TMC5: variants seen among roughly 807,000 people sequenced by gnomAD.
TMC5 encodes transmembrane channel-like protein 5.
In TMC5, 86 loss-of-function variants were observed where a neutral mutation model predicts 110.5. That is an observed-to-expected ratio of 0.78 (90% CI 0.65 to 0.93). The LOEUF is 0.93. TMC5 is among the 40% of genes least tolerant of loss of function. The probability of loss-of-function intolerance (pLI) is 0.00; values close to 1 mark genes in which losing one functional copy is unlikely to be tolerated. For synonymous variants in TMC5, 455 were observed against 439.5 expected (o/e 1.04, Z -0.44); for missense variants, 1,144 against 1,222.8 (o/e 0.94, Z 0.96).
At chr16:19,468,490 A>G (rs1257982367) in intron 9 of TMC5, among the ~76,000 whole-genome samples, 1 of 152,146 alleles carries the variant, frequency 6.6e-6, no homozygotes, top group African/African-American at 2.4e-5. Context: ...CCCCCAGAGA[A>G]GTCTACATCC....
chr16:19,462,595 G>A (rs576970196), intron 6 of TMC5: 12 of 696,098 alleles, frequency 1.7e-5, no homozygotes, highest in African/African-American at 1.6e-4. Flanking sequence ...CAGGGGAACT[G>A]CCCTTTATAA....
At chr16:19,480,625 T>C (rs928443646) in intron 14 of TMC5, among the ~76,000 whole-genome samples, 4 of 152,024 alleles carry the variant, frequency 2.6e-5, no homozygotes, top group African/African-American at 9.7e-5. Flanking sequence ...GCCAACGTGG[T>C]GAAACCCTGT....
chr16:19,459,173 C>T (rs958410457), intron 5 of TMC5, among the ~76,000 whole-genome samples: 15 of 152,102 alleles, frequency 9.9e-5, no homozygotes, highest in African/African-American at 2.9e-4. Context: ...GGGACAGGAC[C>T]GTGAGGATTG....
In TMC5 at chr16:19,463,823, C is replaced by G. The variant is rs1188338803; in HGVS notation, c.1284C>G (p.Ile428Met). 6.2e-7 allele frequency: 1 copy of G among 1,614,198 alleles called. No individual in the cohort carries two copies. The highest frequency in any genetic ancestry group is 8.5e-7 in the Non-Finnish European group (1 of 1,180,020). The change falls in exon 8 of 22, where the codon ATC (isoleucine) becomes ATG (methionine). Residue 428 changes from isoleucine to methionine, a missense_variant. Physicochemically the swap from Ile to Met is conservative, Grantham distance 10. Transcript: ENST00000542583. ...KNSLSEILNS[I>M]SLWQKTLKII... is the part of the protein sequence containing the mutation. ...GCCTGTCGGAAATTCTGAATTCCAT[C>G]AGCCTGTGGCAGAAGACGCTGAAGA...
intron 8 of TMC5, among the ~76,000 whole-genome samples, chr16:19,464,866 G>A (rs1379676665): frequency 6.7e-6 from 1 of 149,150 alleles, no homozygotes; most frequent in Non-Finnish European, 1.5e-5. Flanking sequence ...CTGTACAAAC[G>A]TTGATAGATA....
chr16:19,490,329 C>G (rs142253414), intron 17 of TMC5, 66 bp from the exon 18 acceptor site: 1 of 1,533,926 alleles, frequency 6.5e-7, no homozygotes. Flanking sequence ...GAAGGGACAC[C>G]CTGATTCTAG....
rs756744992 is a variant in TMC5, at chr16:19,460,193, T to C, written c.1049-42T>C. ...ACCACATTTCAGTGTTACGATTCTG[T>C]TAAAGAAAAAAGAAATTAAATTCCA... is the stretch of plus-strand genomic sequence containing the variant. On this transcript the variant is annotated intron_variant, in intron 5 of 21. Coordinates refer to ENST00000542583, the MANE Select transcript of TMC5 (RefSeq NM_001261841.2). 13 of 1,506,780 alleles carry C rather than the reference T, an allele frequency of 8.6e-6. No individual in the cohort carries two copies. In the East Asian group the frequency reaches 2.7e-4, roughly 32 times the overall value. 93.3% of individuals were successfully genotyped at this position (1,506,780 alleles called of 1,614,324 possible). A position where few individuals can be genotyped will look rare whatever the true frequency, so the allele number is the denominator to read the frequency against.
At chr16:19,439,935 T>A in intron 2 of TMC5, 25 bp from the exon 3 acceptor site, 1 of 1,049,794 alleles carries the variant, frequency 9.5e-7, no homozygotes, top group Non-Finnish European at 1.4e-6. Context: ...AAAATCTGAC[T>A]TTTTCTTTTC....
chr16:19,458,904 T>C (rs4644849), intron 5 of TMC5, among the ~76,000 whole-genome samples: 10,838 of 152,224 alleles, frequency 0.071, 787 homozygotes, highest in African/African-American at 0.19. Context: ...TTGCTCCCTC[T>C]GTCCCTCAGC....
intron 1 of TMC5, among the ~76,000 whole-genome samples, chr16:19,412,561 T>C (rs1966858407): frequency 6.6e-6 from 1 of 152,114 alleles, no homozygotes; most frequent in Non-Finnish European, 1.5e-5. Context: ...AGAGATGGGC[T>C]TTCATCATGT....
intron 2 of TMC5, among the ~76,000 whole-genome samples, chr16:19,437,584 C>T (rs1261663237): frequency 6.6e-6 from 1 of 152,196 alleles, no homozygotes; most frequent in Non-Finnish European, 1.5e-5. Context: ...TTGTCATTTA[C>T]ATAGAGATAA....
intron 14 of TMC5, among the ~76,000 whole-genome samples, chr16:19,480,067 T>C (rs1968580582): frequency 6.6e-6 from 1 of 152,216 alleles, no homozygotes; most frequent in African/African-American, 2.4e-5. Context: ...CACATTGCTC[T>C]GTGTGTGTCT....
rs184668419 is a variant in TMC5, at chr16:19,436,879, T to A, written c.-79-3081T>A. Among the ~76,000 whole-genome samples the A allele has an allele frequency of 1.5e-3, 228 of 152,274 alleles. 2 individuals are homozygous for A. The highest frequency in any genetic ancestry group is 5.2e-3 in the African/African-American group (217 of 41,548). ...CTGGTGACCACTGGCAGCTTCAGGT[T>A]TAAAATTTCCTAACTTTGGCCGGTT... On this transcript the variant is annotated intron_variant, in intron 2 of 21. Coordinates refer to ENST00000542583, the MANE Select transcript of TMC5 (RefSeq NM_001261841.2).
chr16:19,440,836 GAT>G lies in TMC5; in HGVS notation c.788+17_788+18del. The G allele has an allele frequency of 1.2e-6, 2 of 1,606,328 alleles. No homozygotes were observed. Among genetic ancestry groups the G allele is most frequent in the Non-Finnish European group, 1.7e-6 (2 of 1,176,210 alleles). On this transcript the variant is annotated intron_variant, in intron 3 of 21. Transcript: ENST00000542583. ...CAAAGATGACCAGGGGGTAAGTTCA[GAT>G]ATATATCCCTTCACTGGGAGTGGAT... is the stretch of plus-strand genomic sequence containing the variant.
At chr16:19,483,285 A>G (rs1968661135) in intron 15 of TMC5, among the ~76,000 whole-genome samples, 1 of 152,002 alleles carries the variant, frequency 6.6e-6, no homozygotes, top group Admixed American at 6.6e-5. Flanking sequence ...ACTTTTCCTT[A>G]CTTATTTTAA....
At position 19,440,116 on chromosome 16, in the gene TMC5, G is replaced by T. The variant is rs199655687; in HGVS notation, c.78G>T (p.Thr26=). 5.0e-6 allele frequency: 8 copies of T among 1,613,964 alleles called. No individual in the cohort carries two copies. Among genetic ancestry groups the T allele is most frequent in the African/African-American group, 2.7e-5 (2 of 74,870 alleles). The part of the protein sequence containing the change: ...YPDYSGSQNR[T]QGYLKTQGYP... The stretch of plus-strand genomic sequence containing the variant: ...ACTATTCAGGGTCTCAGAACCGTAC[G>T]CAGGGGTATTTGAAAACTCAAGGTT... Residue 26 remains threonine, a synonymous_variant, in exon 3 of 22, where the codon ACG becomes ACT. Transcript: ENST00000542583.
At chr16:19,450,275 A>G (rs1967718606) in intron 5 of TMC5, among the ~76,000 whole-genome samples, 1 of 152,232 alleles carries the variant, frequency 6.6e-6, no homozygotes. Context: ...CATGTGGTAG[A>G]AGCGTATGGG....
chr16:19,486,300 T>C (rs34319910), intron 15 of TMC5, among the ~76,000 whole-genome samples: 17,315 of 152,136 alleles, frequency 0.11, 1,329 homozygotes, highest in East Asian at 0.38. Flanking sequence ...CAAGCCTCTC[T>C]CCCTGGTTTA....
At chr16:19,455,324 G>A (rs1427895817) in intron 5 of TMC5, among the ~76,000 whole-genome samples, 19 of 151,062 alleles carry the variant, frequency 1.3e-4, no homozygotes, top group Non-Finnish European at 1.5e-5. Context: ...AGGAGGCTGA[G>A]GCAGGAGAAT....
Sources: allele counts gnomAD v4.1 joint callset (sites outside exome capture counted in the v4.1 genomes callset), GRCh38; gene constraint gnomAD v4.1.1; transcripts MANE v1.5; gene names NCBI Gene and HGNC (gene_info 2026-07-23, HGNC 2026-07-21).